MYO18A: variants seen among roughly 807,000 people sequenced by gnomAD.
MYO18A encodes myosin XVIIIA, also known as unconventional myosin-XVIIIa.
Under a neutral mutation model 235.8 loss-of-function variants are expected in MYO18A, and 78 were observed. The observed-to-expected ratio is 0.33, with a 90% CI of 0.28 to 0.40. MYO18A has a LOEUF of 0.40. MYO18A is among the 10% of genes least tolerant of loss of function. MYO18A has a pLI of 1.00. For synonymous variants in MYO18A, 977 were observed against 1,077.8 expected (o/e 0.91, Z 1.83); for missense variants, 2,215 against 2,699.3 (o/e 0.82, Z 3.98).
intron 2 of MYO18A, among the ~76,000 whole-genome samples, chr17:29,164,481 G>T (rs1057393324): frequency 6.6e-6 from 1 of 152,194 alleles, no homozygotes; most frequent in African/African-American, 2.4e-5. Flanking sequence ...TCAGGCCCAA[G>T]GTACTACTGG....
At chr17:29,083,533 C>CACACAA (rs1491279452) in intron 40 of MYO18A, among the ~76,000 whole-genome samples, 1 of 60,470 alleles carries the variant, frequency 1.7e-5, no homozygotes, top group African/African-American at 7.1e-5. Flanking sequence ...CGCGCGCGCG[C>CACACAA]ACACACACAC....
At chr17:29,080,388 C>A in intron 41 of MYO18A, 1 of 986,102 alleles carries the variant, frequency 1.0e-6, no homozygotes, top group Non-Finnish European at 1.2e-6. Context: ...GACTGCGGGC[C>A]AGCGACGGGT....
intron 13 of MYO18A, 33 bp from the exon 14 acceptor site, chr17:29,115,132 TG>T (rs778124630): frequency 5.5e-5 from 87 of 1,584,914 alleles, no homozygotes; most frequent in Non-Finnish European, 7.1e-5. Context: ...AGAGCCTCGC[TG>T]GTTGGCCCCG....
intron 10 of MYO18A, 57 bp from the exon 11 acceptor site, chr17:29,116,512 A>G: frequency 6.2e-7 from 1 of 1,611,524 alleles, no homozygotes; most frequent in Non-Finnish European, 8.5e-7. Flanking sequence ...GTTAGCAAAC[A>G]GTCATCAATA....
intron 1 of MYO18A, among the ~76,000 whole-genome samples, chr17:29,177,998 C>T (rs2068570431): frequency 6.6e-6 from 1 of 152,222 alleles, no homozygotes; most frequent in South Asian, 2.1e-4. Flanking sequence ...GGTGGATTCT[C>T]CCTTTCACAT....
At chr17:29,175,039 G>GA (rs1232838965) in intron 1 of MYO18A, among the ~76,000 whole-genome samples, 1 of 152,148 alleles carries the variant, frequency 6.6e-6, no homozygotes, top group Non-Finnish European at 1.5e-5. Flanking sequence ...ATATGTGTAG[G>GA]AAAAATATAT....
At chr17:29,175,558 CTTGCCATG>C (rs1233416824) in intron 1 of MYO18A, among the ~76,000 whole-genome samples, 1 of 151,706 alleles carries the variant, frequency 6.6e-6, no homozygotes, top group African/African-American at 2.4e-5. Flanking sequence ...GAGACAGGGT[CTTGCCATG>C]TTGCCCAGCC....
chr17:29,121,992 G>A lies in MYO18A; in HGVS notation c.1088-35C>T. On this transcript the variant is annotated intron_variant, in intron 3 of 41. Coordinates refer to ENST00000527372, the MANE Select transcript of MYO18A (RefSeq NM_078471.4). The surrounding 1 kb of genome is among the most constrained non-coding windows in gnomAD (Gnocchi z 4.2). ...AGGGACAGACAGCTGGGATGGGCCTGGGAAGCCTCTGCTACTCCACTTGGG... is the reference window on the plus strand; with the variant it reads ...AGGGACAGACAGCTGGGATGGGCCTAGGAAGCCTCTGCTACTCCACTTGGG... 1 of 1,604,844 alleles carries A rather than the reference G, an allele frequency of 6.2e-7. No homozygotes were observed. Among genetic ancestry groups the A allele is most frequent in the Non-Finnish European group, 8.5e-7 (1 of 1,172,018 alleles).
chr17:29,148,201 C>A lies in MYO18A; in HGVS notation c.999+17741G>T, dbSNP rs546211436. Among the ~76,000 whole-genome samples, 7 of 152,128 alleles carry A rather than the reference C, an allele frequency of 4.6e-5. No homozygotes were observed. In the East Asian group the frequency reaches 1.4e-3, roughly 29 times the overall value. On this transcript the variant is annotated intron_variant, in intron 2 of 41. Transcript: ENST00000527372. ...TTAACAAAAGAATACTTCTCTGACC[C>A]CATTTGTCCCTCTAGTTCCCCTGTA...
At chr17:29,089,786 G>C (rs539653055) in intron 37 of MYO18A, among the ~76,000 whole-genome samples, 175 bp downstream of exon 37, 1 of 152,242 alleles carries the variant, frequency 6.6e-6, no homozygotes, top group African/African-American at 2.4e-5. Context: ...ACGGTAGCCA[G>C]AGAGCAGGCC....
intron 2 of MYO18A, among the ~76,000 whole-genome samples, chr17:29,138,625 T>C (rs2067662791): frequency 6.6e-6 from 1 of 152,236 alleles, no homozygotes; most frequent in African/African-American, 2.4e-5. Context: ...ACATGAATCA[T>C]CTCATTTGAT....
chr17:29,091,742 C>G, intron 34 of MYO18A: 1 of 451,910 alleles, frequency 2.2e-6, no homozygotes, highest in East Asian at 7.0e-5. Context: ...CAGCCCAGCC[C>G]AGCCTCCTCC....
intron 41 of MYO18A, 125 bp from the exon 42 acceptor site, chr17:29,075,039 T>A: frequency 8.7e-7 from 1 of 1,148,332 alleles, no homozygotes; most frequent in Non-Finnish European, 1.2e-6. Context: ...CATTGTTAAG[T>A]AAAAACCTTC....
intron 2 of MYO18A, among the ~76,000 whole-genome samples, chr17:29,130,299 C>CAAAAAAAAA (rs564370108): frequency 3.2e-4 from 18 of 55,930 alleles, no homozygotes; most frequent in East Asian, 5.6e-4. Flanking sequence ...AACCCTGTCT[C>CAAAAAAAAA]AAAAAAAAAA....
intron 30 of MYO18A, 164 bp from the exon 31 acceptor site, chr17:29,094,254 A>C: frequency 1.6e-6 from 1 of 620,544 alleles, no homozygotes; most frequent in African/African-American, 1.8e-5. Flanking sequence ...GAGCAGCTGA[A>C]CTCCCTTACT....
In MYO18A at chr17:29,074,786, G is replaced by T; in HGVS notation, c.6149C>A (p.Thr2050Lys). 6.2e-7 allele frequency: 1 copy of T among 1,613,958 alleles called. No individual in the cohort carries two copies. The highest frequency in any genetic ancestry group is 1.1e-5 in the South Asian group (1 of 91,082). Residue 2050 changes from threonine to lysine, a missense_variant, in exon 42 of 42, where the codon ACG (threonine) becomes AAG (lysine). Thr to Lys is a moderately conservative substitution (Grantham distance 78). Transcript: ENST00000527372. This position sits in a 1 kb window ranked among gnomAD's most constrained non-coding sequence, Gnocchi z 4.4. ...TCCCCTGGGCTATGCGTTAGTCTCC[G>T]TCAGCTTGGCCTCTGTGTCGCTGTC... ...LSDSDTEAKLTETNA is the reference protein window; with the variant it reads ...LSDSDTEAKLKETNA
intron 2 of MYO18A, among the ~76,000 whole-genome samples, chr17:29,144,375 G>A (rs2067803746): frequency 1.3e-5 from 2 of 152,176 alleles, no homozygotes. Context: ...CCTTACGAAT[G>A]TGTCTCTACC....
chr17:29,127,992 G>C, intron 2 of MYO18A: 2 of 1,001,992 alleles, frequency 2.0e-6, no homozygotes, highest in Non-Finnish European at 2.4e-6. Flanking sequence ...GGCTTGGCTG[G>C]GGATCCTGCT....
At chr17:29,131,469 G>T in intron 2 of MYO18A, 1 of 982,868 alleles carries the variant, frequency 1.0e-6, no homozygotes, top group Non-Finnish European at 1.2e-6. Flanking sequence ...AGAAGTCACT[G>T]GCAGGTCAAG....
Sources: allele counts gnomAD v4.1 joint callset (sites outside exome capture counted in the v4.1 genomes callset), GRCh38; gene constraint gnomAD v4.1.1; non-coding constraint Gnocchi (gnomAD v3.1); transcripts MANE v1.5; gene names NCBI Gene and HGNC (gene_info 2026-07-23, HGNC 2026-07-21).